CHCHD4: variants seen among roughly 807,000 people sequenced by gnomAD.
CHCHD4 encodes the protein coiled-coil-helix-coiled-coil-helix domain containing 4, also known as mitochondrial intermembrane space import and assembly protein 40.
Under a neutral mutation model 12.4 loss-of-function variants are expected in CHCHD4, and 7 were observed. That is an observed-to-expected ratio of 0.57 (90% CI 0.32 to 1.06). The LOEUF (loss-of-function observed/expected upper bound fraction) is 1.06, where lower values mean the gene tolerates loss of function less well. CHCHD4 is among the 50% of genes least tolerant of loss of function. The pLI, the probability that CHCHD4 is intolerant of heterozygous loss-of-function variation, is 0.04. For missense variants in CHCHD4, 143 were observed against 175.1 expected, an observed-to-expected ratio of 0.82 and a Z score of 1.03; for synonymous variants, 56 against 58.0, an observed-to-expected ratio of 0.97 and a Z score of 0.16.
chr3:14,113,905 C>A (rs544673816), intron 2 of CHCHD4, among the ~76,000 whole-genome samples: 37 of 152,282 alleles, frequency 2.4e-4, no homozygotes, highest in African/African-American at 8.2e-4. Context: ...GACTTTTATA[C>A]CTTTTCTTAT....
intron 1 of CHCHD4, among the ~76,000 whole-genome samples, chr3:14,117,707 G>A (rs147616168): frequency 1.3e-5 from 2 of 152,224 alleles, no homozygotes; most frequent in African/African-American, 2.4e-5. Context: ...TTGGTCCTCC[G>A]TGTGAGCTCA....
At position 14,112,824 on chromosome 3, in the gene CHCHD4, G is replaced by GA; in HGVS notation, c.*62dup. Reference sequence around the variant, plus strand: ...GAAGGAAACTTTCTTGGAAGGTGATGACAAGGCCTTTTGCAAAAGGTCCAC... The same window carrying GA: ...GAAGGAAACTTTCTTGGAAGGTGATGAACAAGGCCTTTTGCAAAAGGTCCAC... On this transcript the variant is annotated 3_prime_UTR_variant, in exon 3 of 3. Transcript: ENST00000396914. 1 of 1,464,270 alleles carries GA rather than the reference G, an allele frequency of 6.8e-7. No homozygotes were observed. Among genetic ancestry groups the GA allele is most frequent in the South Asian group, 1.3e-5 (1 of 74,544 alleles). 90.7% of individuals were successfully genotyped at this position (1,464,270 alleles called of 1,614,324 possible). A position where few individuals can be genotyped will look rare whatever the true frequency, so the allele number is the denominator to read the frequency against.
intron 1 of CHCHD4, among the ~76,000 whole-genome samples, chr3:14,116,904 C>T (rs1694882283): frequency 6.6e-6 from 1 of 152,224 alleles, no homozygotes; most frequent in African/African-American, 2.4e-5. Context: ...GCTGAGGACA[C>T]AGGTGGTCTG....
At chr3:14,116,025 C>T (rs1320122463) in intron 2 of CHCHD4, among the ~76,000 whole-genome samples, 1 of 152,120 alleles carries the variant, frequency 6.6e-6, no homozygotes, top group Non-Finnish European at 1.5e-5. Flanking sequence ...AAGGTGCTTG[C>T]TGGAGCAGTT....
intron 1 of CHCHD4, among the ~76,000 whole-genome samples, chr3:14,121,433 G>A (rs1412747609): frequency 2.0e-5 from 3 of 152,190 alleles, no homozygotes; most frequent in African/African-American, 7.2e-5. Context: ...TCCCTTGGAT[G>A]AGTAGTTTGA....
chr3:14,114,496 A>G (rs558572900), intron 2 of CHCHD4, among the ~76,000 whole-genome samples: 1 of 152,128 alleles, frequency 6.6e-6, no homozygotes, highest in Non-Finnish European at 1.5e-5. Context: ...CCCTTCCCCT[A>G]CATCTCACCA....
intron 1 of CHCHD4, chr3:14,122,035 G>C: frequency 6.2e-7 from 1 of 1,612,198 alleles, no homozygotes; most frequent in Non-Finnish European, 8.5e-7. Flanking sequence ...AAGAGCTTCA[G>C]GGAGGGAAGG....
chr3:14,113,159 A>G lies in CHCHD4; in HGVS notation c.157T>C (p.Cys53Arg). ...CTGGCCATTCCCCCAAGGCATGGGC[A>G]GTTCCAGTTAATGTTTCCATTTGGC... ...ILPNGNINWN[C>R]PCLGGMASGP... is the part of the protein sequence containing the mutation. Residue 53 changes from cysteine to arginine, a missense_variant, in exon 3 of 3, where the codon TGC becomes CGC. Transcript: ENST00000396914. The G allele has an allele frequency of 6.2e-7, 1 of 1,612,240 alleles. No individual in the cohort carries two copies. The highest frequency in any genetic ancestry group is 8.5e-7 in the Non-Finnish European group (1 of 1,179,080).
chr3:14,116,480 G>A lies in CHCHD4; in HGVS notation c.67C>T (p.Pro23Ser). ...TCAGCCACCAATTCTGCACTGCTTG[G>A]AGTTTCATGATCTTCTTTGGTTACA... ...IFVTKEDHETPSSAELVADDP... is the reference protein window; with the variant it reads ...IFVTKEDHETSSSAELVADDP... The change falls in exon 2 of 3, where the codon CCA becomes TCA. Residue 23 changes from proline (P) to serine (S), a missense_variant. By Grantham distance (74) the Pro-to-Ser change is moderately conservative. Transcript: ENST00000396914. 1 of 1,613,770 alleles carries A rather than the reference G, an allele frequency of 6.2e-7. No individual in the cohort carries two copies. The highest frequency in any genetic ancestry group is 8.5e-7 in the Non-Finnish European group (1 of 1,179,698).
At chr3:14,115,751 A>T (rs1013762210) in intron 2 of CHCHD4, among the ~76,000 whole-genome samples, 1 of 152,232 alleles carries the variant, frequency 6.6e-6, no homozygotes, top group Non-Finnish European at 1.5e-5. Flanking sequence ...CATCATGGAC[A>T]TCAGAAGTGG....
chr3:14,123,701 T>G (rs1432974946), intron 1 of CHCHD4, among the ~76,000 whole-genome samples: 1 of 152,180 alleles, frequency 6.6e-6, no homozygotes, highest in Non-Finnish European at 1.5e-5. Flanking sequence ...AGAAGGTGCT[T>G]CATGAGTATT....
At chr3:14,120,521 T>A (rs1010754084) in intron 1 of CHCHD4, among the ~76,000 whole-genome samples, 3 of 152,122 alleles carry the variant, frequency 2.0e-5, no homozygotes, top group African/African-American at 4.8e-5. Flanking sequence ...TGCTTTCACC[T>A]CCTGCTCAGA....
chr3:14,121,416 CA>C (rs900927492), intron 1 of CHCHD4, among the ~76,000 whole-genome samples: 4 of 152,054 alleles, frequency 2.6e-5, no homozygotes, highest in African/African-American at 9.7e-5. Flanking sequence ...TGAGTGAGAC[CA>C]AAAAATCCCT....
intron 1 of CHCHD4, among the ~76,000 whole-genome samples, chr3:14,120,841 T>C (rs1454551690): frequency 6.6e-6 from 1 of 152,154 alleles, no homozygotes; most frequent in Non-Finnish European, 1.5e-5. Flanking sequence ...GGCTTTTCAG[T>C]CAACAGGGAC....
chr3:14,119,136 G>A (rs2731311), intron 1 of CHCHD4: 95,256 of 152,274 alleles, frequency 0.63, 31,006 homozygotes, highest in African/African-American at 0.82. Context: ...CACTGGGCCA[G>A]GTCCTCACAT....
intron 1 of CHCHD4, among the ~76,000 whole-genome samples, chr3:14,117,604 C>T (rs1288809320): frequency 6.6e-6 from 1 of 152,184 alleles, no homozygotes; most frequent in Non-Finnish European, 1.5e-5. Flanking sequence ...CCATTGTGGG[C>T]AAGGAGCACC....
Position 14,123,354 on chromosome 3 carries a change from CAA to C in CHCHD4, c.22+1299_22+1300del, listed in dbSNP as rs898362561. 1.6e-4 allele frequency among the ~76,000 whole-genome samples: 24 copies of C among 152,272 alleles called. 1 individual carries two copies. Among genetic ancestry groups the C allele is most frequent in the African/African-American group, 5.3e-4 (22 of 41,542 alleles). ...TTAGAGAAAGACTCGAAATTAAAAA[CAA>C]GAGTGGTGAGGGCAGAGGACTTTTG... On this transcript the variant is annotated intron_variant, in intron 1 of 2. Transcript: ENST00000396914.
rs748961327 is a variant in CHCHD4, at chr3:14,124,719, G to C, written c.-43C>G. ...GAGACCTTGCAGAAGCGGCGGTGGC[G>C]GCAGCTGCACCTTTACGCCGTGACC... is the stretch of plus-strand genomic sequence containing the variant. On this transcript the variant is annotated 5_prime_UTR_variant, in exon 1 of 3. Coordinates refer to ENST00000396914, the MANE Select transcript of CHCHD4 (RefSeq NM_001098502.2). The C allele has an allele frequency of 2.6e-6, 4 of 1,512,556 alleles. No individual in the cohort carries two copies. The highest frequency in any genetic ancestry group is 5.4e-5 in the East Asian group (2 of 36,978). 93.7% of individuals were successfully genotyped at this position (1,512,556 alleles called of 1,614,324 possible).
chr3:14,117,307 C>A (rs574724245), intron 1 of CHCHD4, among the ~76,000 whole-genome samples: 9 of 152,204 alleles, frequency 5.9e-5, no homozygotes, highest in Non-Finnish European at 1.2e-4. Flanking sequence ...GAGTCAAATG[C>A]ATTTTATATT....
Sources: gnomAD v4.1 joint callset for allele counts (sites outside exome capture counted in the v4.1 genomes callset) on GRCh38, gnomAD v4.1.1 for gene constraint, MANE v1.5 for transcripts, NCBI Gene and HGNC (gene_info 2026-07-23, HGNC 2026-07-21) for gene names.